Variants in ROBO2 observed in about 807,000 individuals in gnomAD.
The protein encoded by ROBO2 is roundabout guidance receptor 2.
Under a neutral mutation model 160.8 loss-of-function variants are expected in ROBO2, and 53 were observed. The ratio of observed to expected loss-of-function variants is 0.33; its 90% CI spans 0.26 to 0.41. The LOEUF (loss-of-function observed/expected upper bound fraction) is 0.41, where lower values mean the gene tolerates loss of function less well. Ranked by LOEUF, ROBO2 falls within the 10% of genes least tolerant of loss-of-function variation. ROBO2 has a pLI of 1.00. For synonymous variants in ROBO2, 664 were observed against 611.7 expected (o/e 1.09, Z -1.26); for missense variants, 1,577 against 1,722.4 (o/e 0.92, Z 1.49).
intron 2 of ROBO2, among the ~76,000 whole-genome samples, chr3:77,155,231 T>A (rs1396166145): frequency 6.6e-6 from 1 of 151,950 alleles, no homozygotes; most frequent in Non-Finnish European, 1.5e-5. Context: ...ATATATCAGA[T>A]TCATAGCAAG....
At chr3:76,044,538 GATTCATTCATTC>G (rs59745987) in intron 2 of ROBO2, among the ~76,000 whole-genome samples, 7,256 of 149,520 alleles carry the variant, frequency 0.049, 472 homozygotes, top group African/African-American at 0.13. Flanking sequence ...CAGTCACAGA[GATTCATTCATTC>G]ATTCATTCAT....
intron 2 of ROBO2, among the ~76,000 whole-genome samples, chr3:77,420,027 A>ATT (rs1014626741): frequency 6.6e-6 from 1 of 152,156 alleles, no homozygotes; most frequent in African/African-American, 2.4e-5. Flanking sequence ...TAATTGTTTA[A>ATT]TACCAAATAC....
chr3:77,617,634 T>A, exon 22 of ROBO2: 1 of 1,614,180 alleles, frequency 6.2e-7, no homozygotes, highest in Non-Finnish European at 8.5e-7. Context: ...AGGCGTGGCT[T>A]CTTCTCCTGC....
chr3:76,378,839 C>T (rs933148222), intron 2 of ROBO2, among the ~76,000 whole-genome samples: 2 of 152,150 alleles, frequency 1.3e-5, no homozygotes, highest in African/African-American at 4.8e-5. Context: ...TTGCTTGACA[C>T]GTTTAGGAAC....
At chr3:77,149,958 AAAAG>A (rs1248247374) in intron 2 of ROBO2, among the ~76,000 whole-genome samples, 5 of 152,198 alleles carry the variant, frequency 3.3e-5, no homozygotes, top group Non-Finnish European at 7.3e-5. Flanking sequence ...AATTGATGAA[AAAAG>A]AAAGAGCAAA....
At chr3:77,040,996 G>C (rs745503984) in intron 1 of ROBO2, 150 bp downstream of exon 1, 8 of 946,782 alleles carry the variant, frequency 8.4e-6, no homozygotes, top group Non-Finnish European at 1.3e-5. Context: ...TGGGGGCAGA[G>C]GTTTTATTTA....
chr3:76,526,393 T>C (rs2081948349), intron 2 of ROBO2, among the ~76,000 whole-genome samples: 1 of 152,058 alleles, frequency 6.6e-6, no homozygotes. Context: ...ATTTACAAGA[T>C]ATTTTACCTG....
At chr3:76,817,109 A>T (rs1471505076) in intron 2 of ROBO2, among the ~76,000 whole-genome samples, 1 of 152,082 alleles carries the variant, frequency 6.6e-6, no homozygotes, top group Non-Finnish European at 1.5e-5. Flanking sequence ...ACTAGGAGAA[A>T]TACCTAATGT....
Position 77,395,680 on chromosome 3 carries a change from A to G in ROBO2, c.389-81734A>G, listed in dbSNP as rs576811808. ...GTAGTAGATCTAAATGTAATCGTGT[A>G]TGATACAATTCTTCTTTTATGAGAG... is the stretch of plus-strand genomic sequence containing the variant. On this transcript the variant is annotated intron_variant, in intron 2 of 25. Coordinates refer to ENST00000461745, the Ensembl canonical transcript of ROBO2. 1.7e-3 allele frequency among the ~76,000 whole-genome samples: 263 copies of G among 152,270 alleles called. 1 individual carries two copies. Among genetic ancestry groups the G allele is most frequent in the African/African-American group, 5.3e-3 (220 of 41,578 alleles).
In ROBO2 at chr3:77,225,658, G is replaced by A. The variant is rs372690832; in HGVS notation, c.388+127318G>A. Reference sequence around the variant, plus strand: ...AAATGATTTACTAAAGATTTAGAGGGAGGAAATACTATGTGCTTCTAAATC... The same window carrying A: ...AAATGATTTACTAAAGATTTAGAGGAAGGAAATACTATGTGCTTCTAAATC... On this transcript the variant is annotated intron_variant, in intron 2 of 25. Coordinates refer to ENST00000461745, the Ensembl canonical transcript of ROBO2. 2.0e-5 allele frequency among the ~76,000 whole-genome samples: 3 copies of A among 151,898 alleles called. No homozygotes were observed. In the East Asian group the frequency reaches 5.8e-4, roughly 29 times the overall value.
intron 2 of ROBO2, among the ~76,000 whole-genome samples, chr3:76,444,840 T>A (rs1350087870): frequency 6.6e-6 from 1 of 152,200 alleles, no homozygotes; most frequent in East Asian, 1.9e-4. Context: ...TTACTCAAAA[T>A]ATATGGGGAA....
intron 1 of ROBO2, among the ~76,000 whole-genome samples, chr3:75,915,677 T>G: frequency 6.6e-6 from 1 of 152,144 alleles, no homozygotes; most frequent in Non-Finnish European, 1.5e-5. Context: ...AGAGGACTCA[T>G]GTTGAGGTGG....
At chr3:77,103,275 C>A (rs1390298772) in intron 2 of ROBO2, among the ~76,000 whole-genome samples, 1 of 152,112 alleles carries the variant, frequency 6.6e-6, no homozygotes, top group Non-Finnish European at 1.5e-5. Context: ...TTGATGAAGT[C>A]CCCAGATTAT....
chr3:75,909,126 A>G (rs1459991951), intron 1 of ROBO2, among the ~76,000 whole-genome samples: 2 of 152,220 alleles, frequency 1.3e-5, no homozygotes, highest in Non-Finnish European at 1.5e-5. Flanking sequence ...AACTTTATTG[A>G]TAAGTACTTT....
At chr3:77,574,100 A>T (rs1216075368) in intron 13 of ROBO2, among the ~76,000 whole-genome samples, 4 of 152,066 alleles carry the variant, frequency 2.6e-5, no homozygotes, top group Non-Finnish European at 5.9e-5. Flanking sequence ...GACAAAGGGC[A>T]TATTACATAT....
At chr3:76,935,496 C>T (rs963490561) in intron 2 of ROBO2, among the ~76,000 whole-genome samples, 1 of 152,132 alleles carries the variant, frequency 6.6e-6, no homozygotes, top group Non-Finnish European at 1.5e-5. Context: ...CTCAGTTTTT[C>T]TTTGTCTTTT....
At chr3:77,594,418 G>A (rs755327601) in intron 17 of ROBO2, among the ~76,000 whole-genome samples, 10 of 152,042 alleles carry the variant, frequency 6.6e-5, no homozygotes, top group African/African-American at 2.2e-4. Flanking sequence ...TGAAACTATC[G>A]GCTGGAGAGA....
intron 2 of ROBO2, among the ~76,000 whole-genome samples, chr3:77,345,770 G>A (rs2067566434): frequency 6.6e-6 from 1 of 152,010 alleles, no homozygotes; most frequent in Non-Finnish European, 1.5e-5. Context: ...TCAAGACTTT[G>A]TCCAGTATAA....
intron 2 of ROBO2, among the ~76,000 whole-genome samples, chr3:76,020,124 A>T (rs1219083485): frequency 2.0e-5 from 3 of 151,902 alleles, no homozygotes; most frequent in Admixed American, 1.3e-4. Flanking sequence ...TCATTGTTTT[A>T]TGATGTTTTC....
Sources: gnomAD v4.1 joint callset for allele counts (sites outside exome capture counted in the v4.1 genomes callset) on GRCh38, gnomAD v4.1.1 for gene constraint, MANE v1.5 for transcripts, NCBI Gene and HGNC (gene_info 2026-07-23, HGNC 2026-07-21) for gene names.